Variants in FAM167A observed in about 807,000 individuals in gnomAD.
FAM167A encodes family with sequence similarity 167 member A.
A neutral mutation model predicts 14.9 loss-of-function variants in FAM167A; 23 were observed. The observed-to-expected ratio is 1.55, with a 90% CI of 1.11 to 2.19. FAM167A has a LOEUF of 2.19. Among genes scored for constraint, FAM167A ranks in the 30% most tolerant of loss-of-function variants. FAM167A has a pLI of 0.00. For missense variants in FAM167A, 401 were observed against 281.5 expected (o/e 1.42, Z -3.04); for synonymous variants, 174 against 117.7 (o/e 1.48, Z -3.10).
At chr8:11,438,270 G>C (rs1806177921) in intron 2 of FAM167A, 1 of 403,430 alleles carries the variant, frequency 2.5e-6, no homozygotes, top group South Asian at 1.8e-5. Context: ...AAGACAGCCA[G>C]GAAAGGGAGA....
chr8:11,463,173 C>T (rs1053815572), intron 1 of FAM167A, among the ~76,000 whole-genome samples: 2 of 152,346 alleles, frequency 1.3e-5, no homozygotes, highest in African/African-American at 4.8e-5. Context: ...GCTGGCTTCA[C>T]CTTCCTCCAA....
intron 1 of FAM167A, among the ~76,000 whole-genome samples, chr8:11,451,032 T>C (rs962946667): frequency 6.6e-6 from 1 of 152,220 alleles, no homozygotes; most frequent in Non-Finnish European, 1.5e-5. Context: ...CAGGATGAGG[T>C]CATTTCCATC....
At chr8:11,429,643 G>A (rs554980637) in intron 2 of FAM167A, among the ~76,000 whole-genome samples, 8 of 152,356 alleles carry the variant, frequency 5.3e-5, no homozygotes, top group Admixed American at 2.0e-4. Context: ...ATGGCATCTG[G>A]ACCACACTCG....
intron 1 of FAM167A, among the ~76,000 whole-genome samples, chr8:11,450,412 C>G (rs888843500): frequency 6.6e-6 from 1 of 152,224 alleles, no homozygotes; most frequent in African/African-American, 2.4e-5. Flanking sequence ...GTATCATCAT[C>G]CCCATTTTAC....
intron 1 of FAM167A, among the ~76,000 whole-genome samples, chr8:11,465,243 C>T (rs895524598): frequency 6.6e-6 from 1 of 152,152 alleles, no homozygotes; most frequent in African/African-American, 2.4e-5. Flanking sequence ...TTCATCTGGG[C>T]GTGAGTGGTT....
intron 2 of FAM167A, 94 bp downstream of exon 2, chr8:11,443,937 G>T: frequency 1.4e-6 from 2 of 1,410,916 alleles, no homozygotes; most frequent in Admixed American, 2.1e-5. Context: ...AATACATGGT[G>T]GGGGTGGGGA....
At chr8:11,438,484 A>C (rs1486654186) in intron 2 of FAM167A, 9 of 457,280 alleles carry the variant, frequency 2.0e-5, no homozygotes, top group Non-Finnish European at 4.0e-5. Flanking sequence ...TACCGATTAC[A>C]TTGGCAAGGG....
chr8:11,425,225 T>C (rs946580451), intron 2 of FAM167A, among the ~76,000 whole-genome samples: 17 of 152,212 alleles, frequency 1.1e-4, no homozygotes, highest in African/African-American at 4.1e-4. Flanking sequence ...CTAAGGCCTT[T>C]GGGTCTATTA....
chr8:11,454,670 G>C (rs1006491758), intron 1 of FAM167A, among the ~76,000 whole-genome samples: 1 of 152,228 alleles, frequency 6.6e-6, no homozygotes, highest in African/African-American at 2.4e-5. Context: ...AAATCCCTTT[G>C]TTCTGGGTGA....
intron 2 of FAM167A, among the ~76,000 whole-genome samples, chr8:11,430,617 A>T (rs976078640): frequency 6.6e-6 from 1 of 152,236 alleles, no homozygotes; most frequent in Non-Finnish European, 1.5e-5. Flanking sequence ...AGAGAGCAAG[A>T]GAGAGAGCCA....
At chr8:11,446,192 C>G (rs977453811) in intron 1 of FAM167A, among the ~76,000 whole-genome samples, 2 of 152,172 alleles carry the variant, frequency 1.3e-5, no homozygotes, top group Non-Finnish European at 2.9e-5. Flanking sequence ...TCCTCTCCGA[C>G]ATGGCACGCA....
At chr8:11,441,476 G>T (rs1440906105) in intron 2 of FAM167A, among the ~76,000 whole-genome samples, 2 of 152,184 alleles carry the variant, frequency 1.3e-5, no homozygotes, top group Non-Finnish European at 2.9e-5. Context: ...TTAGAGTTTG[G>T]CAGTCAATGC....
intron 1 of FAM167A, among the ~76,000 whole-genome samples, chr8:11,473,968 G>C (rs760278130): frequency 6.6e-6 from 1 of 152,036 alleles, no homozygotes; most frequent in South Asian, 2.1e-4. Flanking sequence ...TTGCCTCCTG[G>C]GTTCAAGCGA....
chr8:11,450,495 G>A (rs1366869309), intron 1 of FAM167A, among the ~76,000 whole-genome samples: 1 of 152,204 alleles, frequency 6.6e-6, no homozygotes, highest in Admixed American at 6.5e-5. Flanking sequence ...TGGTGAAGCT[G>A]GGATTTGAAC....
At chr8:11,441,919 C>A (rs555079689) in intron 2 of FAM167A, among the ~76,000 whole-genome samples, 3 of 152,134 alleles carry the variant, frequency 2.0e-5, no homozygotes, top group South Asian at 2.1e-4. Flanking sequence ...GAAGGTCATC[C>A]GACAATTAGA....
At chr8:11,472,229 C>A (rs777048383), upstream of FAM167A, among the ~76,000 whole-genome samples, 1 of 152,064 alleles carries the variant, frequency 6.6e-6, no homozygotes. Flanking sequence ...CAGACATGAG[C>A]GATCACCTCC....
intron 2 of FAM167A, among the ~76,000 whole-genome samples, chr8:11,432,692 A>C (rs1381368924): frequency 1.3e-5 from 2 of 152,196 alleles, no homozygotes; most frequent in Non-Finnish European, 2.9e-5. Flanking sequence ...ATACCATTTG[A>C]CCCAGCAATC....
At chr8:11,426,160 C>T (rs1024774154) in intron 2 of FAM167A, among the ~76,000 whole-genome samples, 1 of 152,228 alleles carries the variant, frequency 6.6e-6, no homozygotes, top group South Asian at 2.1e-4. Context: ...TTTCAATCAA[C>T]TGGCAATAAA....
intron 1 of FAM167A, among the ~76,000 whole-genome samples, chr8:11,466,064 C>G (rs1807753067): frequency 6.6e-6 from 1 of 152,168 alleles, no homozygotes; most frequent in Admixed American, 6.5e-5. Flanking sequence ...TCAGGGTGCC[C>G]ACCTTCACGG....
Sources: gnomAD v4.1 joint callset for allele counts (sites outside exome capture counted in the v4.1 genomes callset) on GRCh38, gnomAD v4.1.1 for gene constraint, MANE v1.5 for transcripts, NCBI Gene and HGNC (gene_info 2026-07-23, HGNC 2026-07-21) for gene names.